Variants in SNX29 observed in about 807,000 individuals in gnomAD.
SNX29 encodes the protein sorting nexin 29, also known as sorting nexin-29.
A neutral mutation model predicts 102.1 loss-of-function variants in SNX29; 78 were observed. The ratio of observed to expected loss-of-function variants is 0.76; its 90% CI spans 0.64 to 0.92. The LOEUF (loss-of-function observed/expected upper bound fraction) is 0.92, where lower values mean the gene tolerates loss of function less well. Ranked by LOEUF, SNX29 falls within the 40% of genes least tolerant of loss-of-function variation. SNX29 has a pLI of 0.00. For synonymous variants in SNX29, 580 were observed against 414.5 expected (o/e 1.40, Z -4.85); for missense variants, 1,280 against 1,061.7 (o/e 1.21, Z -2.86).
At chr16:12,100,954 T>C (rs1432129018) in intron 11 of SNX29, among the ~76,000 whole-genome samples, 1 of 152,100 alleles carries the variant, frequency 6.6e-6, no homozygotes, top group African/African-American at 2.4e-5. Context: ...CCTTTGGGTT[T>C]TCTCCACATT....
chr16:12,540,830 AAC>A (rs2077300877), intron 20 of SNX29, among the ~76,000 whole-genome samples: 1 of 152,202 alleles, frequency 6.6e-6, no homozygotes, highest in African/African-American at 2.4e-5. Context: ...GGCAAAAAGA[AAC>A]AAGATCGCCT....
At chr16:11,979,033 T>C (rs1441949332) in intron 1 of SNX29, among the ~76,000 whole-genome samples, 22 of 152,068 alleles carry the variant, frequency 1.4e-4, no homozygotes, top group Admixed American at 1.2e-3. Context: ...CTCAGCACTT[T>C]GGGAGGCAGA....
In SNX29 at chr16:12,295,801, AT is replaced by A. The variant is rs1049379152; in HGVS notation, c.1782+17775del. On this transcript the variant is annotated intron_variant, in intron 15 of 20. Coordinates refer to ENST00000566228, the MANE Select transcript of SNX29 (RefSeq NM_032167.5). Reference sequence around the variant, plus strand: ...TTTTTTCCTCACTCCCTTCAAGTAGATTTTTTTTTTAATCCATTTTTAAGGT... The same window carrying A: ...TTTTTTCCTCACTCCCTTCAAGTAGATTTTTTTTTAATCCATTTTTAAGGT... 2.0e-3 allele frequency among the ~76,000 whole-genome samples: 296 copies of A among 148,866 alleles called. 2 individuals are homozygous for A. Among genetic ancestry groups the A allele is most frequent in the African/African-American group, 6.1e-3 (247 of 40,546 alleles).
At chr16:12,311,348 C>T (rs1357055565) in intron 15 of SNX29, among the ~76,000 whole-genome samples, 2 of 152,226 alleles carry the variant, frequency 1.3e-5, no homozygotes, top group Non-Finnish European at 2.9e-5. Flanking sequence ...CAGCCTCTCA[C>T]CCCATGACAT....
rs144505246 is a variant in SNX29 at position 12,288,137 on chromosome 16, A to G, written c.1782+10101A>G. ...CAGAAGGTCAAGGCTGCAGTGAGCT[A>G]TTGAAGTAGGAGGTGGGACTTGACT... On this transcript the variant is annotated intron_variant, in intron 15 of 20. Transcript: ENST00000566228. Among the ~76,000 whole-genome samples the G allele has an allele frequency of 7.5e-3, 1,135 of 152,252 alleles. 17 individuals carry two copies. Among genetic ancestry groups the G allele is most frequent in the African/African-American group, 0.026 (1,071 of 41,554 alleles).
In SNX29 at chr16:12,569,220, A is replaced by G. The variant is rs1425105673; in HGVS notation, c.*591A>G. ...TGTCACAGCTCACTTTTCCAGAGGG[A>G]TATTCCTGTGGCTTTGGCAAGGAGC... On this transcript the variant is annotated 3_prime_UTR_variant, in exon 21 of 21. Coordinates refer to ENST00000566228, the MANE Select transcript of SNX29 (RefSeq NM_032167.5). The G allele has an allele frequency of 2.7e-5, 6 of 221,902 alleles. No individual in the cohort carries two copies. The highest frequency in any genetic ancestry group is 4.5e-5 in the Non-Finnish European group (5 of 112,318). The allele number at this position is 221,902 out of a possible 1,614,324, so 13.7% of individuals were successfully genotyped here.
chr16:12,295,239 G>C (rs1055956307), intron 15 of SNX29, among the ~76,000 whole-genome samples: 5 of 152,174 alleles, frequency 3.3e-5, no homozygotes, highest in African/African-American at 1.2e-4. Context: ...ACTCGTCCCA[G>C]GGTTGACTTT....
intron 13 of SNX29, among the ~76,000 whole-genome samples, chr16:12,139,648 G>A (rs904429570): frequency 4.6e-5 from 7 of 152,172 alleles, no homozygotes; most frequent in African/African-American, 1.4e-4. Flanking sequence ...GTCATTTTCT[G>A]GGAATTGGGG....
At chr16:12,291,489 A>G (rs1192914172) in intron 15 of SNX29, among the ~76,000 whole-genome samples, 2 of 152,196 alleles carry the variant, frequency 1.3e-5, no homozygotes, top group Non-Finnish European at 2.9e-5. Context: ...GGGAGCTACA[A>G]TTCAAGGTGA....
intron 18 of SNX29, among the ~76,000 whole-genome samples, chr16:12,441,712 C>A (rs367912913): frequency 8.5e-5 from 13 of 152,200 alleles, no homozygotes; most frequent in African/African-American, 2.7e-4. Context: ...TGAGGACACA[C>A]AGATTTAGCC....
chr16:12,309,735 C>T (rs907643545), intron 15 of SNX29, among the ~76,000 whole-genome samples: 6 of 152,128 alleles, frequency 3.9e-5, no homozygotes, highest in Admixed American at 6.5e-5. Flanking sequence ...AAATCGCTCC[C>T]GCCAGTTAGT....
chr16:12,371,599 C>G (rs2082685182), intron 16 of SNX29, among the ~76,000 whole-genome samples: 1 of 152,192 alleles, frequency 6.6e-6, no homozygotes, highest in South Asian at 2.1e-4. Flanking sequence ...GCCACTGCAC[C>G]CAGCCAGATT....
At chr16:12,300,033 G>A (rs1479276775) in intron 15 of SNX29, among the ~76,000 whole-genome samples, 1 of 152,058 alleles carries the variant, frequency 6.6e-6, no homozygotes, top group Non-Finnish European at 1.5e-5. Flanking sequence ...ACCACGCCTG[G>A]CTAATTTTTT....
At chr16:12,428,837 A>G (rs965670770) in intron 18 of SNX29, among the ~76,000 whole-genome samples, 5 of 152,192 alleles carry the variant, frequency 3.3e-5, no homozygotes, top group African/African-American at 1.2e-4. Context: ...CACATAATAT[A>G]TGAGTGCAAT....
In SNX29 at chr16:12,572,796, A is replaced by G; in HGVS notation, c.*4167A>G. 1 of 1,063,658 alleles carries G rather than the reference A, an allele frequency of 9.4e-7. No individual in the cohort carries two copies. The highest frequency in any genetic ancestry group is 1.1e-6 in the Non-Finnish European group (1 of 878,200). 65.9% of individuals were successfully genotyped at this position (1,063,658 alleles called of 1,614,324 possible). On this transcript the variant is annotated 3_prime_UTR_variant, in exon 21 of 21. Coordinates refer to ENST00000566228, the MANE Select transcript of SNX29 (RefSeq NM_032167.5). ...GACCCCACCTCACTCCTCCTTCCCC[A>G]GTACATCAGACTGGTTAGGAGGCAT...
intron 16 of SNX29, among the ~76,000 whole-genome samples, chr16:12,378,613 C>T (rs1394531308): frequency 6.6e-6 from 1 of 152,288 alleles, no homozygotes. Context: ...GGCTCGGTCC[C>T]CAGCACCCAA....
At chr16:11,992,669 C>A (rs2055899298) in intron 1 of SNX29, among the ~76,000 whole-genome samples, 1 of 152,208 alleles carries the variant, frequency 6.6e-6, no homozygotes, top group Non-Finnish European at 1.5e-5. Context: ...GAGCAGGGCT[C>A]AGCCTCCAAT....
chr16:12,301,149 G>C (rs912589586), intron 15 of SNX29, among the ~76,000 whole-genome samples: 5 of 152,168 alleles, frequency 3.3e-5, no homozygotes, highest in Admixed American at 3.3e-4. Flanking sequence ...CACTCAATGA[G>C]TTACAGTCCC....
intron 13 of SNX29, among the ~76,000 whole-genome samples, chr16:12,177,783 C>T (rs1167770760): frequency 6.6e-6 from 1 of 152,176 alleles, no homozygotes; most frequent in East Asian, 1.9e-4. Context: ...TAACTTCAAT[C>T]AGTCAATATT....
Sources: gnomAD v4.1 joint callset for allele counts (sites outside exome capture counted in the v4.1 genomes callset) on GRCh38, gnomAD v4.1.1 for gene constraint, MANE v1.5 for transcripts, NCBI Gene and HGNC (gene_info 2026-07-23, HGNC 2026-07-21) for gene names.